ABCB7: variants seen among roughly 807,000 people sequenced by gnomAD.
The protein encoded by ABCB7 is iron-sulfur clusters transporter ABCB7, mitochondrial.
Under a neutral mutation model 54.4 loss-of-function variants are expected in ABCB7, and 7 were observed. The observed-to-expected ratio is 0.13, with a 90% confidence interval of 0.07 to 0.24. The LOEUF is 0.24. Ranked by LOEUF, ABCB7 falls within the 10% of genes least tolerant of loss-of-function variation. The pLI, the probability that ABCB7 is intolerant of heterozygous loss-of-function variation, is 1.00. For synonymous variants in ABCB7, 218 were observed against 207.1 expected, an observed-to-expected ratio of 1.05 and a Z score of -0.45; for missense variants, 356 against 570.4, an observed-to-expected ratio of 0.62 and a Z score of 3.83.
At chrX:75,121,021 G>A (rs1008625081) in intron 1 of ABCB7, among the ~76,000 whole-genome samples, 1 of 111,075 alleles carries the variant, frequency 9.0e-6, no homozygotes. Context: ...GGGCATGGTG[G>A]CTCACACCTG....
intron 10 of ABCB7, 81 bp from the exon 11 acceptor site, chrX:75,069,535 A>G (rs2081346986): frequency 3.0e-6 from 3 of 1,013,810 alleles, no homozygotes; most frequent in African/African-American, 1.9e-5. Context: ...ATTCACAGAA[A>G]GAAAAAGGAT....
intron 3 of ABCB7, among the ~76,000 whole-genome samples, chrX:75,111,146 T>C (rs2081756880): frequency 8.9e-6 from 1 of 111,940 alleles, no homozygotes. Context: ...GGTTATAAGG[T>C]AAAATCTATT....
chrX:75,078,586 T>C (rs4892538), intron 4 of ABCB7, among the ~76,000 whole-genome samples: 1 of 110,776 alleles, frequency 9.0e-6, no homozygotes, highest in Non-Finnish European at 1.9e-5. Flanking sequence ...TGGTGAAAGG[T>C]AGGTACCTTT....
chrX:75,126,903 G>T (rs768084159), intron 1 of ABCB7, among the ~76,000 whole-genome samples: 1 of 111,379 alleles, frequency 9.0e-6, no homozygotes, highest in Non-Finnish European at 1.9e-5. Flanking sequence ...TTCTGAAATT[G>T]AGGCAGGAAT....
chrX:75,122,658 T>C (rs190437052), intron 1 of ABCB7, among the ~76,000 whole-genome samples: 1 of 112,426 alleles, frequency 8.9e-6, no homozygotes, highest in East Asian at 2.8e-4. Context: ...GGTTTCCTTT[T>C]CACCACATCC....
At chrX:75,054,302 G>A (rs930151118) in intron 15 of ABCB7, among the ~76,000 whole-genome samples, 25 of 111,921 alleles carry the variant, frequency 2.2e-4, no homozygotes, top group African/African-American at 8.1e-4. Context: ...GTATTTACAT[G>A]TAAGGTTATA....
intron 13 of ABCB7, among the ~76,000 whole-genome samples, chrX:75,064,242 A>T: frequency 8.9e-6 from 1 of 111,827 alleles, no homozygotes; most frequent in Admixed American, 9.5e-5. Context: ...CAAATCATTT[A>T]GCATAGTAGC....
chrX:75,054,997 G>A (rs1376572791), intron 15 of ABCB7, among the ~76,000 whole-genome samples: 1 of 111,621 alleles, frequency 9.0e-6, no homozygotes, highest in Non-Finnish European at 1.9e-5. Context: ...CTAGTCAGAT[G>A]TTGGACTTTT....
chrX:75,100,739 C>T (rs2081632318), intron 3 of ABCB7, among the ~76,000 whole-genome samples: 1 of 111,867 alleles, frequency 8.9e-6, no homozygotes, highest in African/African-American at 3.2e-5. Context: ...ATCCACTCTC[C>T]TGCACATTCC....
At chrX:75,148,181 T>G (rs751397368) in intron 1 of ABCB7, among the ~76,000 whole-genome samples, 42 of 111,480 alleles carry the variant, frequency 3.8e-4, no homozygotes, top group African/African-American at 1.2e-3. Flanking sequence ...AATGCATTAC[T>G]ACTAGCAGAC....
intron 3 of ABCB7, among the ~76,000 whole-genome samples, chrX:75,105,422 A>G (rs1443282924): frequency 9.0e-6 from 1 of 111,423 alleles, no homozygotes; most frequent in Admixed American, 9.5e-5. Flanking sequence ...AATAACTACA[A>G]GAAAATAAAA....
intron 1 of ABCB7, among the ~76,000 whole-genome samples, chrX:75,147,381 G>T (rs1277157837): frequency 9.0e-6 from 1 of 111,730 alleles, no homozygotes; most frequent in East Asian, 2.8e-4. Context: ...TATGTTCATT[G>T]CAGTACCATT....
intron 4 of ABCB7, among the ~76,000 whole-genome samples, chrX:75,092,558 G>T (rs1193157235): frequency 9.0e-6 from 1 of 111,424 alleles, no homozygotes; most frequent in African/African-American, 3.3e-5. Flanking sequence ...TGAAAGACTG[G>T]TAAGTAGGAC....
intron 1 of ABCB7, among the ~76,000 whole-genome samples, chrX:75,149,558 G>A (rs2082116827): frequency 9.0e-6 from 1 of 111,525 alleles, no homozygotes; most frequent in African/African-American, 3.3e-5. Flanking sequence ...TTTGGTTATA[G>A]AGTTTAATCA....
intron 4 of ABCB7, among the ~76,000 whole-genome samples, chrX:75,096,425 T>C (rs1477928425): frequency 9.0e-6 from 1 of 111,489 alleles, no homozygotes; most frequent in African/African-American, 3.3e-5. Context: ...TATTTTGGCT[T>C]TTCTCTTAAC....
intron 15 of ABCB7, among the ~76,000 whole-genome samples, chrX:75,056,621 C>T (rs2081242329): frequency 9.0e-6 from 1 of 111,273 alleles, no homozygotes; most frequent in African/African-American, 3.3e-5. Flanking sequence ...CCAAGTATAC[C>T]CATTACTACT....
chrX:75,111,461 T>C (rs906416366), intron 3 of ABCB7, among the ~76,000 whole-genome samples: 4 of 111,788 alleles, frequency 3.6e-5, no homozygotes, highest in Non-Finnish European at 7.5e-5. Flanking sequence ...AATTATCATC[T>C]CCATTTTACA....
chrX:75,147,550 T>A (rs1336422222), intron 1 of ABCB7, among the ~76,000 whole-genome samples: 2 of 111,468 alleles, frequency 1.8e-5, no homozygotes, highest in Non-Finnish European at 3.8e-5. Flanking sequence ...GCCATTATCC[T>A]TAGCAAATTA....
intron 4 of ABCB7, among the ~76,000 whole-genome samples, chrX:75,088,846 C>CA (rs58687438): frequency 0.033 from 3,030 of 90,824 alleles, 115 homozygotes; most frequent in African/African-American, 0.11. Context: ...ACAAAAGAAA[C>CA]AAAAAAAAAA....
Sources: allele counts gnomAD v4.1 joint callset (sites outside exome capture counted in the v4.1 genomes callset), GRCh38; gene constraint gnomAD v4.1.1; transcripts MANE v1.5; gene names NCBI Gene and HGNC (gene_info 2026-07-23, HGNC 2026-07-21).